Variants in POLR1D observed in about 807,000 individuals in gnomAD.
POLR1D encodes the protein DNA-directed RNA polymerases I and III subunit RPAC2.
Under a neutral mutation model 10.8 loss-of-function variants are expected in POLR1D, and 8 were observed. That is an observed-to-expected ratio of 0.74 (90% confidence interval 0.43 to 1.33). The LOEUF (loss-of-function observed/expected upper bound fraction) is 1.33. POLR1D is among the 40% of genes most tolerant of loss of function. The pLI is 0.01. For synonymous variants in POLR1D, 54 were observed against 57.2 expected (o/e 0.94, Z 0.25); for missense variants, 152 against 161.7 (o/e 0.94, Z 0.32).
At chr13:27,667,264 C>A (rs1021667537) in exon 3 of POLR1D, 1 of 152,196 alleles carries the variant, frequency 6.6e-6, no homozygotes, top group Non-Finnish European at 1.5e-5. Context: ...ATTGCTTCAT[C>A]TGACTTTATT....
chr13:27,655,800 GAGAGAAT>G lies in POLR1D; in HGVS notation c.101+7355_101+7361del, dbSNP rs1454864831. Among the ~76,000 whole-genome samples, 4 of 152,240 alleles carry G rather than the reference GAGAGAAT, an allele frequency of 2.6e-5. No homozygotes were observed. The Middle Eastern group carries it at 0.01, about 391-fold the overall frequency. ...TTCGTGTAAGACTAAAGACATTAGT[GAGAGAAT>G]AGAGAATCAAGAATAGAGACTGGGG... is the stretch of plus-strand genomic sequence containing the variant. On this transcript the variant is annotated intron_variant, in intron 2 of 2. Transcript: ENST00000399697.
At chr13:27,664,384 G>A (rs139396052) in intron 2 of POLR1D, among the ~76,000 whole-genome samples, 1 of 152,236 alleles carries the variant, frequency 6.6e-6, no homozygotes, top group Non-Finnish European at 1.5e-5. Flanking sequence ...ACCTCTGAAT[G>A]TTCCCACTAT....
chr13:27,635,948 A>G (rs940665479), intron 1 of POLR1D, among the ~76,000 whole-genome samples: 12 of 152,026 alleles, frequency 7.9e-5, no homozygotes, highest in African/African-American at 2.9e-4. Flanking sequence ...TTAAAACTGT[A>G]AAGGAAGAAC....
chr13:27,622,029 C>T lies in POLR1D; in HGVS notation c.26+20C>T. ...GGAGAGGTAACGGCCGAGGAGGAGGCGGGCGGAGCGGGCCGCGCCCAAGGG... is the reference window on the plus strand; with the variant it reads ...GGAGAGGTAACGGCCGAGGAGGAGGTGGGCGGAGCGGGCCGCGCCCAAGGG... On this transcript the variant is annotated intron_variant, in intron 1 of 1. Coordinates refer to ENST00000302979, the MANE Select transcript of POLR1D (RefSeq NM_015972.4). 1 of 1,568,776 alleles carries T rather than the reference C, an allele frequency of 6.4e-7. No individual in the cohort carries two copies. The highest frequency in any genetic ancestry group is 8.6e-7 in the Non-Finnish European group (1 of 1,156,734).
At chr13:27,665,268 C>T (rs1956404088) in intron 2 of POLR1D, 1 of 187,760 alleles carries the variant, frequency 5.3e-6, no homozygotes, top group South Asian at 1.1e-4. Context: ...TTTTAGTTTC[C>T]TTGGAAAGGA....
At chr13:27,636,249 G>A (rs1348247394) in intron 1 of POLR1D, among the ~76,000 whole-genome samples, 1 of 151,978 alleles carries the variant, frequency 6.6e-6, no homozygotes, top group Non-Finnish European at 1.5e-5. Context: ...TGCCATCTAG[G>A]CTTAAATATT....
At chr13:27,621,717 G>A (rs1593273625), upstream of POLR1D, 2 of 282,448 alleles carry the variant, frequency 7.1e-6, no homozygotes, top group Admixed American at 5.3e-5. Flanking sequence ...CCCTCCCGCC[G>A]CGAGTGGCCT....
intron 1 of POLR1D, chr13:27,648,153 A>C: frequency 2.5e-6 from 1 of 402,220 alleles, no homozygotes; most frequent in Non-Finnish European, 4.6e-6. Context: ...TATCAAAAAT[A>C]TTTTTCCAGT....
Position 27,644,119 on chromosome 13 carries a change from T to A in POLR1D, c.27-4260T>A, listed in dbSNP as rs533684237. The stretch of plus-strand genomic sequence containing the variant: ...ACAGGAAGAGGCCTATAGTTCCCTC[T>A]GGCTGACTCCATCATTTTTGAGCAG... On this transcript the variant is annotated intron_variant, in intron 1 of 2. Coordinates refer to the POLR1D transcript ENST00000399697. Among the ~76,000 whole-genome samples the A allele has an allele frequency of 9.2e-5, 14 of 152,304 alleles. No individual in the cohort carries two copies. The South Asian group carries it at 2.9e-3, about 32-fold the overall frequency.
intron 1 of POLR1D, chr13:27,622,273 C>T (rs1212311508): frequency 3.5e-6 from 2 of 574,196 alleles, no homozygotes; most frequent in East Asian, 5.8e-5. Flanking sequence ...GTGTAAAAAT[C>T]ACGCCCCGGG....
upstream of POLR1D, chr13:27,621,733 G>T: frequency 3.1e-6 from 1 of 318,068 alleles, no homozygotes; most frequent in Non-Finnish European, 5.7e-6. Context: ...GGCCTCGCGT[G>T]GTCGCCCAGG....
At chr13:27,632,996 C>A (rs572452985) in intron 1 of POLR1D, among the ~76,000 whole-genome samples, 1 of 152,220 alleles carries the variant, frequency 6.6e-6, no homozygotes, top group African/African-American at 2.4e-5. Flanking sequence ...AATTGAGAAC[C>A]ACAAATTTGT....
chr13:27,622,033 CGGAGCGGGCCGCGCCCAAGG>C (rs762755049), intron 1 of POLR1D, 24 bp downstream of exon 1: 1 of 1,566,848 alleles, frequency 6.4e-7, no homozygotes, highest in African/African-American at 1.3e-5. Context: ...AGGAGGCGGG[CGGAGCGGGCCGCGCCCAAGG>C]GGAGCGGGTG....
chr13:27,623,667 T>A (rs1712690047), downstream of POLR1D, among the ~76,000 whole-genome samples: 5 of 151,300 alleles, frequency 3.3e-5, no homozygotes, highest in South Asian at 1.1e-3. Context: ...AGATTGTTGT[T>A]TAAAAACAGA....
chr13:27,651,897 C>T (rs1265095116), intron 2 of POLR1D, among the ~76,000 whole-genome samples: 4 of 152,180 alleles, frequency 2.6e-5, no homozygotes, highest in Non-Finnish European at 5.9e-5. Context: ...TATGAAAACA[C>T]CCAGCATGGT....
intron 2 of POLR1D, among the ~76,000 whole-genome samples, chr13:27,652,639 G>A (rs1488966486): frequency 2.0e-5 from 2 of 97,584 alleles, no homozygotes; most frequent in Admixed American, 2.4e-4. Context: ...GGGAGGCCGA[G>A]GTGGGCGGAT....
At chr13:27,625,927 CATT>C (rs1325950703), downstream of POLR1D, among the ~76,000 whole-genome samples, 7 of 152,236 alleles carry the variant, frequency 4.6e-5, no homozygotes, top group South Asian at 2.1e-4. Flanking sequence ...CATTACCACT[CATT>C]ATACAGAGGA....
downstream of POLR1D, among the ~76,000 whole-genome samples, chr13:27,628,245 G>C (rs1223600023): frequency 6.6e-6 from 1 of 152,228 alleles, no homozygotes; most frequent in Non-Finnish European, 1.5e-5. Context: ...CACTCACCAA[G>C]CTGCTTGCTT....
intron 1 of POLR1D, among the ~76,000 whole-genome samples, chr13:27,633,030 G>A (rs1406933230): frequency 6.6e-6 from 1 of 152,156 alleles, no homozygotes; most frequent in African/African-American, 2.4e-5. Context: ...CAACTCCATA[G>A]TTTGTCACAT....
Sources: gnomAD v4.1 joint callset for allele counts (sites outside exome capture counted in the v4.1 genomes callset) on GRCh38, gnomAD v4.1.1 for gene constraint, MANE v1.5 for transcripts, NCBI Gene and HGNC (gene_info 2026-07-23, HGNC 2026-07-21) for gene names.